Variants in BROX observed in about 807,000 individuals in gnomAD.
BROX encodes BRO1 domain-containing protein BROX.
BROX carries 53 observed loss-of-function variants against 61.0 expected under a neutral mutation model. That is an observed-to-expected ratio of 0.87 (90% confidence interval 0.70 to 1.09). BROX has a LOEUF of 1.09. Among genes scored for constraint, BROX ranks in the 50% least tolerant of loss-of-function variants. The pLI is 0.00. For missense variants in BROX, 489 were observed against 472.0 expected (o/e 1.04, Z -0.33); for synonymous variants, 152 against 160.2 (o/e 0.95, Z 0.38).
rs3811465 is a variant in BROX, at chr1:222,712,777, A to G, written c.-182A>G. The G allele has an allele frequency of 0.83, 1,065,945 of 1,289,238 alleles. 442,611 individuals are homozygous for G. The highest frequency in any genetic ancestry group is 0.85 in the Non-Finnish European group (835,748 of 988,826). 79.9% of individuals were successfully genotyped at this position (1,289,238 alleles called of 1,614,324 possible). On this transcript the variant is annotated 5_prime_UTR_variant, in exon 1 of 13. Transcript: ENST00000340934. ...TGCGCGCACTACCGCCTCGGTAGCTATCATGGCCGCCGGGTCACGTGACTC... is the reference window on the plus strand; with the variant it reads ...TGCGCGCACTACCGCCTCGGTAGCTGTCATGGCCGCCGGGTCACGTGACTC...
At position 222,735,067 on chromosome 1, in the gene BROX, CTGTT is replaced by C. The variant is rs769678858; in HGVS notation, c.*2358_*2361del. The stretch of plus-strand genomic sequence containing the variant: ...GCATGAAGGTTATAGAGAGGTGTAA[CTGTT>C]TGTTAACTATTACATGGATTTCATA... On this transcript the variant is annotated 3_prime_UTR_variant, in exon 13 of 13. Coordinates refer to ENST00000340934, the MANE Select transcript of BROX (RefSeq NM_144695.4). 1.1e-4 allele frequency: 17 copies of C among 152,282 alleles called. No individual in the cohort carries two copies. The highest frequency in any genetic ancestry group is 2.1e-4 in the South Asian group (1 of 4,816). 9.4% of individuals were successfully genotyped at this position (152,282 alleles called of 1,614,324 possible). A position where few individuals can be genotyped will look rare whatever the true frequency, so the allele number is the denominator to read the frequency against.
At position 222,712,828 on chromosome 1, in the gene BROX, G is replaced by A. The variant is rs750741022; in HGVS notation, c.-131G>A. 1.3e-4 allele frequency: 167 copies of A among 1,288,088 alleles called. No homozygotes were observed. The highest frequency in any genetic ancestry group is 1.5e-4 in the Non-Finnish European group (152 of 988,206). 79.8% of individuals were successfully genotyped at this position (1,288,088 alleles called of 1,614,324 possible). On this transcript the variant is annotated 5_prime_UTR_variant, in exon 1 of 13. Transcript: ENST00000340934. ...CGGCTTGGCGCCGTCCTGGTTTTCC[G>A]TCACCCTGGTTCTGTAGTCTCGGTT...
chr1:222,725,895 T>C (rs1358372878), intron 7 of BROX, among the ~76,000 whole-genome samples: 2 of 152,124 alleles, frequency 1.3e-5, no homozygotes, highest in African/African-American at 2.4e-5. Flanking sequence ...TGAGCAACAG[T>C]GTGAGACCCT....
intron 4 of BROX, among the ~76,000 whole-genome samples, chr1:222,720,728 G>A (rs1185101362): frequency 1.3e-5 from 2 of 151,514 alleles, no homozygotes; most frequent in African/African-American, 2.4e-5. Flanking sequence ...CAGGAGAATC[G>A]CTTGAACCCA....
chr1:222,720,996 C>G (rs1032584998), intron 4 of BROX, among the ~76,000 whole-genome samples: 1 of 152,008 alleles, frequency 6.6e-6, no homozygotes, highest in African/African-American at 2.4e-5. Flanking sequence ...TTTATCTGTT[C>G]TGAAAAATAT....
chr1:222,730,090 T>C lies in BROX; in HGVS notation c.902T>C (p.Val301Ala). Residue 301 changes from valine (V) to alanine (A), a missense_variant, in exon 11 of 13, where the codon GTC becomes GCC. Val to Ala is a moderately conservative substitution (Grantham distance 64, BLOSUM62 0). Transcript: ENST00000340934. ...YGETKGPGPT[V>A]KPSGHLFFRK... is the part of the protein sequence containing the mutation. Reference sequence around the variant, plus strand: ...GAAACCAAAGGACCTGGACCAACAGTCAAACCTTCAGGACATCTGTTCTTT... The same window carrying C: ...GAAACCAAAGGACCTGGACCAACAGCCAAACCTTCAGGACATCTGTTCTTT... 6.2e-7 allele frequency: 1 copy of C among 1,613,512 alleles called. No individual in the cohort carries two copies. The highest frequency in any genetic ancestry group is 8.5e-7 in the Non-Finnish European group (1 of 1,179,684).
intron 2 of BROX, among the ~76,000 whole-genome samples, chr1:222,716,517 G>A (rs548179277): frequency 6.6e-6 from 1 of 152,334 alleles, no homozygotes; most frequent in South Asian, 2.1e-4. Flanking sequence ...CTTGAGATAG[G>A]CCTTGAATGA....
rs1172853010 is a variant in BROX, at chr1:222,722,440, T to C, written c.327T>C (p.Phe109=). 2.5e-6 allele frequency: 4 copies of C among 1,613,310 alleles called. No individual in the cohort carries two copies. Among genetic ancestry groups the C allele is most frequent in the Admixed American group, 3.3e-5 (2 of 59,996 alleles). The change falls in exon 5 of 13, where the codon TTT becomes TTC. Residue 109 remains phenylalanine (F), a synonymous_variant. Transcript: ENST00000340934. The part of the protein sequence containing the change: ...QVPSAQQDAV[F]ELISMGFNVA... ...CCAGTGCCCAGCAGGATGCTGTTTTTGAATTAATTTCCATGGGATTTAATG... is the reference window on the plus strand; with the variant it reads ...CCAGTGCCCAGCAGGATGCTGTTTTCGAATTAATTTCCATGGGATTTAATG...
At position 222,731,430 on chromosome 1, in the gene BROX, C is replaced by A. The variant is rs1347621091; in HGVS notation, c.1063C>A (p.Pro355Thr). Residue 355 changes from proline (P) to threonine (T), a missense_variant, in exon 12 of 13, where the codon CCT becomes ACT. Transcript: ENST00000340934. ...KANYGLVEPI[P>T]FEFPPTSVQW... ...AAATTATGGTCTCGTAGAGCCTATACCTTTCGAATTTCCTCCTACAAGTGT... is the reference window on the plus strand; with the variant it reads ...AAATTATGGTCTCGTAGAGCCTATAACTTTCGAATTTCCTCCTACAAGTGT... 6.2e-7 allele frequency: 1 copy of A among 1,602,502 alleles called. No homozygotes were observed. Among genetic ancestry groups the A allele is most frequent in the Non-Finnish European group, 8.5e-7 (1 of 1,177,120 alleles).
chr1:222,731,795 A>G (rs1361499356), intron 12 of BROX, among the ~76,000 whole-genome samples: 1 of 152,238 alleles, frequency 6.6e-6, no homozygotes, highest in Non-Finnish European at 1.5e-5. Flanking sequence ...AGAATGTGGG[A>G]GAAAAGATCA....
chr1:222,715,739 G>A lies in BROX; in HGVS notation c.40G>A (p.Ala14Thr). 1.3e-6 allele frequency: 2 copies of A among 1,595,114 alleles called. No individual in the cohort carries two copies. Among genetic ancestry groups the A allele is most frequent in the South Asian group, 1.1e-5 (1 of 87,924 alleles). Residue 14 changes from alanine to threonine, a missense_variant, in exon 2 of 13, where the codon GCT (alanine) becomes ACT (threonine). By Grantham distance (58) the Ala-to-Thr change is moderately conservative (BLOSUM62 0). Transcript: ENST00000340934. The part of the protein sequence containing the change: ...WFHRNPLKAT[A>T]PVSFNYYGVV... ...TCATAGGAACCCATTAAAAGCCACA[G>A]CTCCTGTGTCTTTTAATTACTATGG... is the stretch of plus-strand genomic sequence containing the variant.
intron 1 of BROX, among the ~76,000 whole-genome samples, chr1:222,714,435 T>C (rs922096489): frequency 6.6e-6 from 1 of 151,494 alleles, no homozygotes; most frequent in Non-Finnish European, 1.5e-5. Context: ...CCTGACCTTG[T>C]GATCTGCCCG....
At position 222,731,588 on chromosome 1, in the gene BROX, T is replaced by C. The variant is rs1571991589; in HGVS notation, c.1149+72T>C. The C allele has an allele frequency of 4.4e-5, 64 of 1,456,790 alleles. No homozygotes were observed. In the East Asian group the frequency reaches 1.5e-3, roughly 34 times the overall value. 90.2% of individuals were successfully genotyped at this position (1,456,790 alleles called of 1,614,324 possible). ...AGAAAATTCAGAGTTAGCATTTTGA[T>C]ATTTTTCTCTAAATAGATACATATC... On this transcript the variant is annotated intron_variant, in intron 12 of 12. Transcript: ENST00000340934.
chr1:222,727,267 T>G lies in BROX; in HGVS notation c.670+10T>G. On this transcript the variant is annotated intron_variant, in intron 8 of 12. Coordinates refer to ENST00000340934, the MANE Select transcript of BROX (RefSeq NM_144695.4). ...TTCTATCAAAAAGCTGGTAAGCTTC[T>G]AATTCTGTCGTTACATTTTTAGTCT... is the stretch of plus-strand genomic sequence containing the variant. The G allele has an allele frequency of 6.3e-7, 1 of 1,584,750 alleles. No homozygotes were observed. The highest frequency in any genetic ancestry group is 1.1e-5 in the South Asian group (1 of 90,106).
intron 4 of BROX, 127 bp downstream of exon 4, chr1:222,719,486 A>T: frequency 1.6e-6 from 1 of 640,958 alleles, no homozygotes; most frequent in Middle Eastern, 3.0e-4. Context: ...TCTTACCAGG[A>T]AATTAATTAA....
Position 222,715,667 on chromosome 1 carries a change from TAC to T in BROX, c.-16-16_-16-15del. On this transcript the variant is annotated splice_polypyrimidine_tract_variant and intron_variant, in intron 1 of 12. Transcript: ENST00000340934. ...TTATATTTAATTTTTGTATATTTTT[TAC>T]TTTTTTGTCTATAGAAAACATCTGG... is the stretch of plus-strand genomic sequence containing the variant. The T allele has an allele frequency of 8.6e-7, 1 of 1,168,786 alleles. No individual in the cohort carries two copies. Among genetic ancestry groups the T allele is most frequent in the East Asian group, 2.7e-5 (1 of 37,346 alleles). The allele number at this position is 1,168,786 out of a possible 1,614,324, so 72.4% of individuals were successfully genotyped here.
In BROX at chr1:222,725,556, G is replaced by T. The variant is rs770334158; in HGVS notation, c.580+1G>T. ...CAATGTCAGGCTGAAGCTCAAGAAG[G>T]TATCCTAAATATTGTAAGATTTTTT... On this transcript the variant is annotated splice_donor_variant, in intron 7 of 12. Transcript: ENST00000340934. LOFTEE classifies it high-confidence loss of function. The T allele has an allele frequency of 1.3e-6, 2 of 1,588,404 alleles. No homozygotes were observed. Among genetic ancestry groups the T allele is most frequent in the Non-Finnish European group, 1.7e-6 (2 of 1,165,042 alleles).
chr1:222,714,449 C>T (rs1373739742), intron 1 of BROX, among the ~76,000 whole-genome samples: 11 of 151,328 alleles, frequency 7.3e-5, no homozygotes, highest in Admixed American at 7.2e-4. Context: ...CTGCCCGCCT[C>T]GGCCTCCCAA....
chr1:222,713,182 A>C, intron 1 of BROX: 1 of 982,594 alleles, frequency 1.0e-6, no homozygotes, highest in Non-Finnish European at 1.2e-6. Context: ...TCCATTGGTC[A>C]TTGGAGAGCT....
Sources: gnomAD v4.1 joint callset for allele counts (sites outside exome capture counted in the v4.1 genomes callset) on GRCh38, gnomAD v4.1.1 for gene constraint, MANE v1.5 for transcripts, NCBI Gene and HGNC (gene_info 2026-07-23, HGNC 2026-07-21) for gene names.